FHL1: variants seen among roughly 807,000 people sequenced by gnomAD.
FHL1 encodes the protein four and a half LIM domains 1, also known as four and a half LIM domains protein 1.
A neutral mutation model predicts 20.3 loss-of-function variants in FHL1; 1 was observed. That is an observed-to-expected ratio of 0.05 (90% CI 0.02 to 0.23). The LOEUF (loss-of-function observed/expected upper bound fraction) is 0.23, where lower values mean the gene tolerates loss of function less well. FHL1 is among the 10% of genes least tolerant of loss of function. FHL1 has a pLI of 1.00. For synonymous variants in FHL1, 82 were observed against 88.9 expected, an observed-to-expected ratio of 0.92 and a Z score of 0.44; for missense variants, 177 against 234.0, an observed-to-expected ratio of 0.76 and a Z score of 1.59.
rs1186676027 is a variant in FHL1, at chrX:136,187,861, A to G, written c.-27+17881A>G. Among the ~76,000 whole-genome samples, 4 of 112,070 alleles carry G rather than the reference A, an allele frequency of 3.6e-5. No homozygotes were observed. The East Asian group carries it at 1.1e-3, about 31-fold the overall frequency. The stretch of plus-strand genomic sequence containing the variant: ...AGGTGAATTTTATGATATATAAATT[A>G]TTTTAAATTTTACTTAGAGATGGGG... On this transcript the variant is annotated intron_variant, in intron 2 of 6. Transcript: ENST00000394153.
upstream of FHL1, chrX:136,196,765 A>G: frequency 8.8e-7 from 1 of 1,141,694 alleles, no homozygotes; most frequent in Non-Finnish European, 1.2e-6. Flanking sequence ...GCGTTAAGCT[A>G]TGCCAGAGCC....
chrX:136,156,137 T>G (rs2072410120), intron 1 of FHL1, among the ~76,000 whole-genome samples: 2 of 112,025 alleles, frequency 1.8e-5, no homozygotes, highest in Admixed American at 9.5e-5. Context: ...ACCTGTGGAC[T>G]GTTTTTGAAA....
At chrX:136,209,454 C>T (rs766962380) in intron 5 of FHL1, 1 of 1,207,945 alleles carries the variant, frequency 8.3e-7, no homozygotes. Flanking sequence ...TAAGTGCACA[C>T]CCCACGAACA....
intron 4 of FHL1, 61 bp from the exon 5 acceptor site, chrX:136,208,394 C>A: frequency 8.8e-7 from 1 of 1,140,326 alleles, no homozygotes; most frequent in Non-Finnish European, 1.2e-6. Context: ...GCCTGGCACG[C>A]AGTAGGCATT....
intron 2 of FHL1, among the ~76,000 whole-genome samples, chrX:136,184,113 G>A (rs2073229720): frequency 8.9e-6 from 1 of 112,018 alleles, no homozygotes; most frequent in Non-Finnish European, 1.9e-5. Context: ...TGTGTTCTAA[G>A]TTACCACCAT....
intron 2 of FHL1, among the ~76,000 whole-genome samples, chrX:136,170,378 A>G (rs1053996008): frequency 9.0e-6 from 1 of 111,438 alleles, no homozygotes; most frequent in Non-Finnish European, 1.9e-5. Context: ...CTGATCAGCT[A>G]TTAGGAATCT....
intron 1 of FHL1, among the ~76,000 whole-genome samples, chrX:136,160,748 A>C (rs1000095235): frequency 5.4e-5 from 6 of 112,138 alleles, no homozygotes; most frequent in African/African-American, 1.9e-4. Context: ...CTATTGTTAG[A>C]CAGAATTTTA....
upstream of FHL1, chrX:136,167,796 G>C (rs1569528626): frequency 9.0e-6 from 1 of 111,130 alleles, no homozygotes; most frequent in East Asian, 2.9e-4. Context: ...TTGAAAAAGA[G>C]AACCGGATTC....
rs1198126085 is a variant in FHL1, at chrX:136,210,581, A to G, written c.*556A>G. ...AATAACTAACACGAACTTCCAGAAA[A>G]TTAACATTTGAACTTAGCTGTAATT... On this transcript the variant is annotated 3_prime_UTR_variant, in exon 6 of 6. Transcript: ENST00000370683. 2.6e-6 allele frequency: 1 copy of G among 389,190 alleles called. No individual in the cohort carries two copies. The highest frequency in any genetic ancestry group is 4.8e-6 in the Non-Finnish European group (1 of 207,277). 32.1% of individuals were successfully genotyped at this position (389,190 alleles called of 1,213,427 possible).
intron 1 of FHL1, chrX:136,204,826 T>G (rs1015300283): frequency 8.9e-6 from 1 of 112,110 alleles, no homozygotes; most frequent in African/African-American, 3.2e-5. Context: ...CTCTGCTGTT[T>G]GGTTGCTCAT....
intron 2 of FHL1, among the ~76,000 whole-genome samples, chrX:136,174,781 A>G (rs1423826783): frequency 1.8e-5 from 2 of 111,800 alleles, no homozygotes; most frequent in African/African-American, 6.5e-5. Flanking sequence ...TCTGGTAAAA[A>G]AAAAGCTAGA....
At position 136,207,864 on chromosome X, in the gene FHL1, T is replaced by A. The variant is rs2073887416; in HGVS notation, c.452T>A (p.Val151Asp). The A allele has an allele frequency of 6.6e-6, 8 of 1,211,924 alleles. No individual in the cohort carries two copies. The highest frequency in any genetic ancestry group is 8.9e-6 in the Non-Finnish European group (8 of 895,413). Residue 151 changes from valine to aspartate, a missense_variant, in exon 4 of 6, where the codon GTC becomes GAC. By Grantham distance (152) the Val-to-Asp change is radical (BLOSUM62 -3). Coordinates refer to ENST00000370683, the MANE Select transcript of FHL1 (RefSeq NM_001159699.2). ...DCFTCSNCKQ[V>D]IGTGSFFPKG... ...TTCACCTGTAGTAACTGCAAGCAAGTCATCGGGACTGGAAGCTTCTTCCCT... is the reference window on the plus strand; with the variant it reads ...TTCACCTGTAGTAACTGCAAGCAAGACATCGGGACTGGAAGCTTCTTCCCT...
chrX:136,179,841 G>A lies in FHL1; in HGVS notation c.-27+9861G>A, dbSNP rs150142322. 1.4e-3 allele frequency among the ~76,000 whole-genome samples: 152 copies of A among 110,918 alleles called. 1 individual carries two copies. Among genetic ancestry groups the A allele is most frequent in the African/African-American group, 4.8e-3 (147 of 30,556 alleles). ...CCGGCCTGTTATCAGCAAGTTTTTCGAACAGAAAAGTTGAAATTATACAGT... is the reference window on the plus strand; with the variant it reads ...CCGGCCTGTTATCAGCAAGTTTTTCAAACAGAAAAGTTGAAATTATACAGT... On this transcript the variant is annotated intron_variant, in intron 2 of 6. Transcript: ENST00000394153.
At chrX:136,180,043 G>T (rs2073114461) in intron 2 of FHL1, among the ~76,000 whole-genome samples, 1 of 111,673 alleles carries the variant, frequency 9.0e-6, no homozygotes, top group Non-Finnish European at 1.9e-5. Context: ...TTTCAATTTT[G>T]ACTTTCTTAG....
chrX:136,174,611 A>T (rs1044642647), intron 2 of FHL1, among the ~76,000 whole-genome samples: 2 of 112,045 alleles, frequency 1.8e-5, no homozygotes, highest in Admixed American at 9.5e-5. Flanking sequence ...AGAAAAAGAG[A>T]TACGAACCAG....
chrX:136,157,562 A>G (rs2072455273), intron 1 of FHL1, among the ~76,000 whole-genome samples: 1 of 111,058 alleles, frequency 9.0e-6, no homozygotes, highest in Non-Finnish European at 1.9e-5. Context: ...CACTGCCCCA[A>G]TCAGGATGTG....
upstream of FHL1, chrX:136,169,469 T>C (rs2072800262): frequency 4.6e-6 from 1 of 217,664 alleles, no homozygotes; most frequent in Non-Finnish European, 8.3e-6. Context: ...TCTGGCTGGA[T>C]CAGAGCCCTC....
intron 2 of FHL1, among the ~76,000 whole-genome samples, chrX:136,189,405 G>T (rs1603262468): frequency 3.6e-5 from 4 of 111,652 alleles, no homozygotes; most frequent in Non-Finnish European, 7.5e-5. Context: ...TTTGCTCTCT[G>T]CTGCCCCAGT....
chrX:136,161,743 TA>T (rs1465619587), intron 1 of FHL1, among the ~76,000 whole-genome samples: 1 of 111,250 alleles, frequency 9.0e-6, no homozygotes, highest in African/African-American at 3.3e-5. Flanking sequence ...TAAGATGAAA[TA>T]AAAAAATATT....
Sources: allele counts gnomAD v4.1 joint callset (sites outside exome capture counted in the v4.1 genomes callset), GRCh38; gene constraint gnomAD v4.1.1; transcripts MANE v1.5; gene names NCBI Gene and HGNC (gene_info 2026-07-23, HGNC 2026-07-21).